The following GNAO1 variants were observed in gnomAD, a reference collection of about 807,000 sequenced individuals.
GNAO1 encodes the protein guanine nucleotide-binding protein G(o) subunit alpha.
For missense variants in GNAO1, 166 were observed against 478.7 expected, an observed-to-expected ratio of 0.35 and a Z score of 6.10; for synonymous variants, 164 against 180.7, an observed-to-expected ratio of 0.91 and a Z score of 0.74.
At chr16:56,288,345 G>A (rs2037194094) in intron 3 of GNAO1, among the ~76,000 whole-genome samples, 1 of 152,226 alleles carries the variant, frequency 6.6e-6, no homozygotes, top group African/African-American at 2.4e-5. Context: ...TGAGGACGGG[G>A]TATCTGACAA....
At chr16:56,242,107 T>C (rs1296572130) in intron 2 of GNAO1, among the ~76,000 whole-genome samples, 1 of 152,210 alleles carries the variant, frequency 6.6e-6, no homozygotes, top group Non-Finnish European at 1.5e-5. Flanking sequence ...CAAACATGCA[T>C]TGGACTCTCA....
At chr16:56,355,661 A>T (rs2037961178) in intron 8 of GNAO1, 1 of 152,254 alleles carries the variant, frequency 6.6e-6, no homozygotes, top group Admixed American at 6.5e-5. Flanking sequence ...TGTTAATTTC[A>T]GGAATTTAGA....
intron 3 of GNAO1, among the ~76,000 whole-genome samples, chr16:56,298,694 C>G (rs919608097): frequency 6.6e-6 from 1 of 151,960 alleles, no homozygotes; most frequent in Admixed American, 6.6e-5. Context: ...GGGCAGATCA[C>G]GAGATCAGGA....
rs543296881 is a variant in GNAO1 at position 56,343,681 on chromosome 16, A to G, written c.723+6821A>G. ...CTGAGAGGCCCAAGGCCGGATGGCC[A>G]CACAGGCCAGGCTGGGGTCGTCCAT... On this transcript the variant is annotated intron_variant, in intron 6 of 8. Transcript: ENST00000262493. 5.3e-5 allele frequency: 61 copies of G among 1,161,606 alleles called. No individual in the cohort carries two copies. In the South Asian group the frequency reaches 6.9e-4, roughly 13 times the overall value. The allele number at this position is 1,161,606 out of a possible 1,614,324, so 72.0% of individuals were successfully genotyped here. A position where few individuals can be genotyped will look rare whatever the true frequency, so the allele number is the denominator to read the frequency against.
intron 2 of GNAO1, among the ~76,000 whole-genome samples, chr16:56,209,101 T>A (rs1330733719): frequency 6.6e-6 from 1 of 152,200 alleles, no homozygotes; most frequent in African/African-American, 2.4e-5. Context: ...ATTTCCCGCC[T>A]CTTTAAAAAG....
intron 2 of GNAO1, among the ~76,000 whole-genome samples, chr16:56,250,922 T>G (rs1366188609): frequency 6.6e-6 from 1 of 152,240 alleles, no homozygotes; most frequent in African/African-American, 2.4e-5. Flanking sequence ...AGTCCCCACC[T>G]TAATGACATT....
chr16:56,270,297 G>A (rs1361244714), intron 2 of GNAO1: 1 of 152,220 alleles, frequency 6.6e-6, no homozygotes, highest in Non-Finnish European at 1.5e-5. Flanking sequence ...CTTCTGGTTT[G>A]GTGGCCTGGA....
rs553764946 is a variant in GNAO1 at position 56,286,212 on chromosome 16, G to A, written c.303+10140G>A. ...TCCCGCTACACACATCTGCACACAC[G>A]CTCATCAGCTTCTGCTTTACTCAGC... On this transcript the variant is annotated intron_variant, in intron 3 of 8. Coordinates refer to ENST00000262493, the MANE Select transcript of GNAO1 (RefSeq NM_020988.3). Among the ~76,000 whole-genome samples the A allele has an allele frequency of 6.2e-4, 94 of 152,200 alleles. 1 individual carries two copies. Among genetic ancestry groups the A allele is most frequent in the African/African-American group, 2.0e-3 (85 of 41,544 alleles).
At chr16:56,226,661 A>G (rs1239937948) in intron 2 of GNAO1, 2 of 152,246 alleles carry the variant, frequency 1.3e-5, no homozygotes, top group Admixed American at 6.5e-5. Context: ...TTAAATGCAC[A>G]TTAGATATCT....
chr16:56,306,386 C>T (rs1222698173), intron 3 of GNAO1, among the ~76,000 whole-genome samples: 1 of 152,206 alleles, frequency 6.6e-6, no homozygotes, highest in African/African-American at 2.4e-5. Flanking sequence ...GGAGAGCTGG[C>T]CAAGCTGCCC....
intron 3 of GNAO1, among the ~76,000 whole-genome samples, chr16:56,292,975 C>T (rs1191110928): frequency 6.6e-6 from 1 of 152,152 alleles, no homozygotes; most frequent in Non-Finnish European, 1.5e-5. Context: ...CTGGGGGTTG[C>T]CCTGTCCCAC....
At chr16:56,316,212 A>T (rs1370247705) in intron 3 of GNAO1, among the ~76,000 whole-genome samples, 3 of 152,170 alleles carry the variant, frequency 2.0e-5, no homozygotes, top group Non-Finnish European at 4.4e-5. Flanking sequence ...GGAAGAGGCC[A>T]GGAGCCCACG....
At chr16:56,264,218 C>T (rs1192479193) in intron 2 of GNAO1, among the ~76,000 whole-genome samples, 1 of 152,250 alleles carries the variant, frequency 6.6e-6, no homozygotes, top group Non-Finnish European at 1.5e-5. Flanking sequence ...AGTCTTATAT[C>T]TCCAAAGTTC....
At chr16:56,316,965 C>T (rs1291002375) in intron 3 of GNAO1, among the ~76,000 whole-genome samples, 2 of 152,202 alleles carry the variant, frequency 1.3e-5, no homozygotes, top group Non-Finnish European at 2.9e-5. Context: ...GACAGGGCCT[C>T]AGAGGACTTG....
At chr16:56,274,221 A>G (rs1003400010) in intron 2 of GNAO1, among the ~76,000 whole-genome samples, 1 of 152,212 alleles carries the variant, frequency 6.6e-6, no homozygotes, top group Non-Finnish European at 1.5e-5. Context: ...CAGGGATCAC[A>G]GTCCTGCACT....
At chr16:56,266,961 A>T (rs1229567693) in intron 2 of GNAO1, among the ~76,000 whole-genome samples, 1 of 152,156 alleles carries the variant, frequency 6.6e-6, no homozygotes, top group Non-Finnish European at 1.5e-5. Context: ...CCCAGCCGCC[A>T]CCGTGTCCAC....
chr16:56,340,930 A>G (rs1190453161), intron 6 of GNAO1: 2 of 1,613,860 alleles, frequency 1.2e-6, no homozygotes, highest in Non-Finnish European at 8.5e-7. Flanking sequence ...CAAGAAGGAC[A>G]TATTTGAAGA....
intron 2 of GNAO1, among the ~76,000 whole-genome samples, chr16:56,261,568 C>A (rs529999132): frequency 1.3e-5 from 2 of 152,274 alleles, no homozygotes; most frequent in South Asian, 4.1e-4. Context: ...CTGGCTAGGT[C>A]TGTAATGTAG....
chr16:56,238,540 C>G (rs1469793076), intron 2 of GNAO1, among the ~76,000 whole-genome samples: 1 of 152,234 alleles, frequency 6.6e-6, no homozygotes, highest in Admixed American at 6.5e-5. Flanking sequence ...GTGGCCATCC[C>G]ACTGCTGCAA....
Sources: allele counts gnomAD v4.1 joint callset (sites outside exome capture counted in the v4.1 genomes callset), GRCh38; gene constraint gnomAD v4.1.1; transcripts MANE v1.5; gene names NCBI Gene and HGNC (gene_info 2026-07-23, HGNC 2026-07-21).